Variants in LHFPL3 observed in about 807,000 individuals in gnomAD.
LHFPL3 encodes LHFPL tetraspan subfamily member 3.
A neutral mutation model predicts 19.3 loss-of-function variants in LHFPL3; 5 were observed. The ratio of observed to expected loss-of-function variants is 0.26; its 90% CI spans 0.14 to 0.54. The LOEUF is 0.54. Ranked by LOEUF, LHFPL3 falls within the 20% of genes least tolerant of loss-of-function variation. LHFPL3 has a pLI of 0.94. For missense variants in LHFPL3, 249 were observed against 307.4 expected (o/e 0.81, Z 1.42); for synonymous variants, 133 against 126.2 (o/e 1.05, Z -0.36).
At chr7:104,716,233 G>T (rs1250295429) in intron 1 of LHFPL3, among the ~76,000 whole-genome samples, 1 of 152,026 alleles carries the variant, frequency 6.6e-6, no homozygotes, top group Non-Finnish European at 1.5e-5. Flanking sequence ...TGTAGTCCCA[G>T]CTATTTGGGA....
intron 1 of LHFPL3, among the ~76,000 whole-genome samples, chr7:104,462,572 A>G (rs535861857): frequency 6.6e-6 from 1 of 152,266 alleles, no homozygotes; most frequent in South Asian, 2.1e-4. Flanking sequence ...CCAACCTTGT[A>G]TCCCGGGAAT....
At chr7:104,688,783 C>T (rs748311413) in intron 1 of LHFPL3, among the ~76,000 whole-genome samples, 30 of 152,084 alleles carry the variant, frequency 2.0e-4, no homozygotes, top group Non-Finnish European at 3.2e-4. Context: ...GATTGTGGCC[C>T]ACAGGAAGTT....
At chr7:104,590,336 G>T (rs548815007) in intron 1 of LHFPL3, among the ~76,000 whole-genome samples, 1 of 152,214 alleles carries the variant, frequency 6.6e-6, no homozygotes, top group South Asian at 2.1e-4. Flanking sequence ...TGGTTTCAAA[G>T]AACATCTTTA....
chr7:104,736,996 GC>G, intron 2 of LHFPL3, 85 bp downstream of exon 2: 1 of 1,079,822 alleles, frequency 9.3e-7, no homozygotes, highest in Non-Finnish European at 1.4e-6. Context: ...AAATACTAGT[GC>G]TTCCCCTGAG....
intron 1 of LHFPL3, among the ~76,000 whole-genome samples, chr7:104,480,326 A>AC (rs34987136): frequency 0.018 from 2,800 of 151,880 alleles, 84 homozygotes; most frequent in African/African-American, 0.061. Context: ...CATAAATGAC[A>AC]CCCCCCGTCC....
intron 1 of LHFPL3, among the ~76,000 whole-genome samples, chr7:104,524,526 A>G (rs1205368422): frequency 4.6e-5 from 7 of 152,166 alleles, no homozygotes; most frequent in Admixed American, 3.9e-4. Flanking sequence ...CAAACCCTGT[A>G]TCTATCTCTT....
At chr7:104,426,301 G>T (rs1269084975) in intron 1 of LHFPL3, among the ~76,000 whole-genome samples, 1 of 152,084 alleles carries the variant, frequency 6.6e-6, no homozygotes, top group African/African-American at 2.4e-5. Flanking sequence ...TTGTTGCCCA[G>T]GTTGGAATGC....
chr7:104,789,003 G>A (rs1000031085), intron 2 of LHFPL3, among the ~76,000 whole-genome samples: 1 of 152,206 alleles, frequency 6.6e-6, no homozygotes, highest in East Asian at 1.9e-4. Context: ...AGCAATTGCT[G>A]CTTCTTGGTA....
chr7:104,380,211 A>G (rs758867192), intron 1 of LHFPL3, among the ~76,000 whole-genome samples: 2 of 152,192 alleles, frequency 1.3e-5, no homozygotes, highest in Non-Finnish European at 2.9e-5. Context: ...GAGTTATCTT[A>G]TGAAGATTCA....
intron 2 of LHFPL3, among the ~76,000 whole-genome samples, chr7:104,800,631 T>A (rs930207777): frequency 6.6e-6 from 1 of 152,126 alleles, no homozygotes; most frequent in African/African-American, 2.4e-5. Flanking sequence ...GAATTAACTG[T>A]CCCTTTAGAT....
At chr7:104,427,593 A>T (rs1013525808) in intron 1 of LHFPL3, among the ~76,000 whole-genome samples, 1 of 152,170 alleles carries the variant, frequency 6.6e-6, no homozygotes, top group African/African-American at 2.4e-5. Flanking sequence ...TATCTCAAAA[A>T]ACTTTCTACT....
At chr7:104,832,771 G>A (rs1454661202) in intron 2 of LHFPL3, among the ~76,000 whole-genome samples, 7 of 149,108 alleles carry the variant, frequency 4.7e-5, no homozygotes, top group African/African-American at 1.7e-4. Flanking sequence ...GAGGTCAGGA[G>A]TTCGAGACCA....
chr7:104,484,556 A>C (rs903445287), intron 1 of LHFPL3, among the ~76,000 whole-genome samples: 1 of 152,254 alleles, frequency 6.6e-6, no homozygotes, highest in African/African-American at 2.4e-5. Flanking sequence ...TTCCTGAGGC[A>C]GATGAGGCAA....
intron 1 of LHFPL3, among the ~76,000 whole-genome samples, chr7:104,498,203 A>G (rs1387617573): frequency 6.6e-6 from 1 of 152,126 alleles, no homozygotes; most frequent in Non-Finnish European, 1.5e-5. Context: ...TTGGGAACTC[A>G]TGGTGCTACA....
chr7:104,659,259 T>C (rs1000651302), intron 1 of LHFPL3, among the ~76,000 whole-genome samples: 5 of 152,346 alleles, frequency 3.3e-5, no homozygotes, highest in African/African-American at 1.2e-4. Context: ...TGGCTAGTTC[T>C]GCACCTGTCT....
intron 1 of LHFPL3, among the ~76,000 whole-genome samples, chr7:104,527,096 A>G (rs751324944): frequency 4.6e-5 from 7 of 152,192 alleles, no homozygotes; most frequent in Non-Finnish European, 8.8e-5. Context: ...GATAAGCACA[A>G]AGGCAAAGGC....
intron 1 of LHFPL3, among the ~76,000 whole-genome samples, chr7:104,417,877 TCTTCTTC>T (rs1562890990): frequency 8.7e-5 from 11 of 125,776 alleles, no homozygotes; most frequent in African/African-American, 3.6e-4. Context: ...TTCTTCTTCT[TCTTCTTC>T]TTTTTTTTTT....
At chr7:104,412,178 T>C (rs896473238) in intron 1 of LHFPL3, among the ~76,000 whole-genome samples, 1 of 152,168 alleles carries the variant, frequency 6.6e-6, no homozygotes, top group African/African-American at 2.4e-5. Context: ...TTAAGTGCTG[T>C]ATTATGTCCT....
chr7:104,894,484 C>G (rs1251850013), intron 2 of LHFPL3: 1 of 152,128 alleles, frequency 6.6e-6, no homozygotes, highest in Non-Finnish European at 1.5e-5. Context: ...AAACAGAAGA[C>G]AGTCTCCCAG....
Sources: allele counts gnomAD v4.1 joint callset (sites outside exome capture counted in the v4.1 genomes callset), GRCh38; gene constraint gnomAD v4.1.1; transcripts MANE v1.5; gene names NCBI Gene and HGNC (gene_info 2026-07-23, HGNC 2026-07-21).